The following GNA14 variants were observed in gnomAD, a reference collection of about 807,000 sequenced individuals.
GNA14 encodes guanine nucleotide-binding protein subunit alpha-14.
In GNA14, 50 loss-of-function variants were observed where a neutral mutation model predicts 42.0. The ratio of observed to expected loss-of-function variants is 1.19; its 90% confidence interval spans 0.95 to 1.51. GNA14 has a LOEUF of 1.51. Among genes scored for constraint, GNA14 ranks in the 40% most tolerant of loss-of-function variants. GNA14 has a pLI of 0.00. For synonymous variants in GNA14, 173 were observed against 163.1 expected (o/e 1.06, Z -0.46); for missense variants, 473 against 446.2 (o/e 1.06, Z -0.54).
chr9:77,437,556 G>C (rs1347085310), intron 2 of GNA14, among the ~76,000 whole-genome samples: 1 of 144,400 alleles, frequency 6.9e-6, no homozygotes, highest in Non-Finnish European at 1.5e-5. Context: ...GAGAAAGAGA[G>C]AGAGAAAGAG....
At chr9:77,642,039 A>T (rs1824276083) in intron 1 of GNA14, among the ~76,000 whole-genome samples, 1 of 152,228 alleles carries the variant, frequency 6.6e-6, no homozygotes, top group Non-Finnish European at 1.5e-5. Context: ...AACAAAAAAA[A>T]AGATTTGGAG....
chr9:77,471,936 G>A (rs1033340214), intron 2 of GNA14, among the ~76,000 whole-genome samples: 1 of 152,196 alleles, frequency 6.6e-6, no homozygotes, highest in Non-Finnish European at 1.5e-5. Context: ...AACTGCATCA[G>A]TAAGTAAGAA....
Position 77,515,652 on chromosome 9 carries a change from T to C in GNA14, c.309+13417A>G, listed in dbSNP as rs925253153. Among the ~76,000 whole-genome samples, 5 of 152,104 alleles carry C rather than the reference T, an allele frequency of 3.3e-5. No homozygotes were observed. In the South Asian group the frequency reaches 8.3e-4, roughly 25 times the overall value. On this transcript the variant is annotated intron_variant, in intron 2 of 6. Transcript: ENST00000341700. ...GGAGGAAACAGACAGGAATACAGCA[T>C]TGCTCTTGAGGAATTCAAGAGTGAG...
At chr9:77,499,124 A>G (rs1385193817) in intron 2 of GNA14, among the ~76,000 whole-genome samples, 1 of 152,218 alleles carries the variant, frequency 6.6e-6, no homozygotes, top group African/African-American at 2.4e-5. Context: ...GGTATTAAGG[A>G]AAGGCTAAGT....
intron 1 of GNA14, among the ~76,000 whole-genome samples, chr9:77,587,292 T>C (rs1250066262): frequency 6.6e-6 from 1 of 152,168 alleles, no homozygotes; most frequent in African/African-American, 2.4e-5. Context: ...GCAATTCCAC[T>C]TCTAAGCATA....
intron 1 of GNA14, 116 bp downstream of exon 1, chr9:77,647,554 A>C: frequency 8.4e-7 from 1 of 1,188,044 alleles, no homozygotes; most frequent in Non-Finnish European, 1.1e-6. Context: ...GGGGAGAAGG[A>C]CGAAGCCGCC....
chr9:77,519,951 G>C (rs952366906), intron 2 of GNA14, among the ~76,000 whole-genome samples: 5 of 152,162 alleles, frequency 3.3e-5, no homozygotes, highest in African/African-American at 1.2e-4. Context: ...GGAGGTTCTA[G>C]TGAGCTGAGA....
At chr9:77,528,000 A>C (rs1022112715) in intron 2 of GNA14, among the ~76,000 whole-genome samples, 1 of 152,296 alleles carries the variant, frequency 6.6e-6, no homozygotes. Flanking sequence ...GTGTTCCTTC[A>C]TTTCTTCAGG....
At chr9:77,637,034 G>C (rs960775631) in intron 1 of GNA14, among the ~76,000 whole-genome samples, 6 of 152,156 alleles carry the variant, frequency 3.9e-5, no homozygotes, top group African/African-American at 1.2e-4. Flanking sequence ...AAGAGTACAT[G>C]CAAGTACAAG....
intron 1 of GNA14, among the ~76,000 whole-genome samples, chr9:77,629,816 C>T (rs973531774): frequency 2.0e-5 from 3 of 152,052 alleles, no homozygotes; most frequent in Admixed American, 1.3e-4. Flanking sequence ...CACCATGGCA[C>T]GTGTATACCT....
intron 2 of GNA14, among the ~76,000 whole-genome samples, chr9:77,501,912 T>C (rs1836980955): frequency 6.6e-6 from 1 of 151,998 alleles, no homozygotes; most frequent in South Asian, 2.1e-4. Flanking sequence ...GGTTTCACCA[T>C]GTTGGCCAGG....
At chr9:77,544,671 CAAAA>C (rs397959672) in intron 1 of GNA14, among the ~76,000 whole-genome samples, 1 of 58,558 alleles carries the variant, frequency 1.7e-5, no homozygotes. Flanking sequence ...CACTGCATCT[CAAAA>C]AAAAAAAAAA....
At chr9:77,468,658 T>C (rs934885077) in intron 2 of GNA14, among the ~76,000 whole-genome samples, 1 of 152,226 alleles carries the variant, frequency 6.6e-6, no homozygotes, top group African/African-American at 2.4e-5. Flanking sequence ...GTGAGAAGTC[T>C]GTCACTTCCA....
At chr9:77,464,697 C>T (rs144117606) in intron 2 of GNA14, among the ~76,000 whole-genome samples, 1 of 152,184 alleles carries the variant, frequency 6.6e-6, no homozygotes, top group East Asian at 1.9e-4. Context: ...ACCGCCGTAC[C>T]TATTAGGATT....
At chr9:77,515,960 C>CAAAAAAAAAAAAAAAAAAAAAAAAAA (rs1158448237) in intron 2 of GNA14, among the ~76,000 whole-genome samples, 1 of 52,736 alleles carries the variant, frequency 1.9e-5, no homozygotes, top group African/African-American at 6.4e-5. Context: ...CCCTGTCTCA[C>CAAAAAAAAAAAAAAAAAAAAAAAAAA]AAAAAAAAAA....
intron 2 of GNA14, among the ~76,000 whole-genome samples, chr9:77,492,558 C>G (rs1458538333): frequency 6.6e-6 from 1 of 151,820 alleles, no homozygotes; most frequent in Non-Finnish European, 1.5e-5. Context: ...AATTGGAAAA[C>G]CTAGAAAAAA....
intron 2 of GNA14, among the ~76,000 whole-genome samples, chr9:77,465,627 C>G (rs1195303301): frequency 1.3e-5 from 2 of 151,772 alleles, no homozygotes; most frequent in East Asian, 3.9e-4. Flanking sequence ...ATGAGAGTTG[C>G]CTTCATTTTC....
intron 1 of GNA14, among the ~76,000 whole-genome samples, chr9:77,548,544 A>G (rs906796706): frequency 3.9e-5 from 6 of 152,188 alleles, no homozygotes; most frequent in African/African-American, 1.4e-4. Context: ...AAGTTCCTCT[A>G]GGAGGACTTT....
At chr9:77,436,892 TAA>T in intron 2 of GNA14, among the ~76,000 whole-genome samples, 1 of 152,198 alleles carries the variant, frequency 6.6e-6, no homozygotes, top group South Asian at 2.1e-4. Flanking sequence ...TATGACAAAA[TAA>T]GAGTGAAAGC....
Sources: gnomAD v4.1 joint callset for allele counts (sites outside exome capture counted in the v4.1 genomes callset) on GRCh38, gnomAD v4.1.1 for gene constraint, MANE v1.5 for transcripts, NCBI Gene and HGNC (gene_info 2026-07-23, HGNC 2026-07-21) for gene names.